The following DCHS1 variants were observed in gnomAD, a reference collection of about 807,000 sequenced individuals.
DCHS1 encodes dachsous cadherin-related 1.
DCHS1 carries 78 observed loss-of-function variants against 213.9 expected under a neutral mutation model. That is an observed-to-expected ratio of 0.36 (90% CI 0.30 to 0.44). The LOEUF is 0.44. Ranked by LOEUF, DCHS1 falls within the 20% of genes least tolerant of loss-of-function variation. DCHS1 has a pLI of 1.00. For missense variants in DCHS1, 3,946 were observed against 4,395.9 expected (o/e 0.90, Z 2.89); for synonymous variants, 1,828 against 1,873.7 (o/e 0.98, Z 0.63).
chr11:6,647,092 G>A (rs1389412770), intron 1 of DCHS1, among the ~76,000 whole-genome samples: 8 of 152,178 alleles, frequency 5.3e-5, no homozygotes, highest in East Asian at 3.8e-4. Flanking sequence ...GAGGAGGGGC[G>A]CCACAAAAGG....
At position 6,631,674 on chromosome 11, in the gene DCHS1, T is replaced by C; in HGVS notation, c.3617A>G (p.Asp1206Gly). ...TVHVAVLDLNDNSPTFLQASG... is the reference protein window; with the variant it reads ...TVHVAVLDLNGNSPTFLQASG... ...AGCCTGCAGGAACGTGGGGCTGTTG[T>C]CGTTGAGGTCAAGCACTGCAACATG... Residue 1206 changes from aspartate (D) to glycine (G), a missense_variant, in exon 7 of 21, where the codon GAC becomes GGC. Physicochemically the swap from Asp to Gly is moderately conservative, Grantham distance 94. Around this residue, in one of 3 missense-constraint regions of DCHS1, gnomAD observed 3,384 missense variants for 3,780.1 expected, o/e 0.90. Transcript: ENST00000299441. 5 of 1,608,318 alleles carry C rather than the reference T, an allele frequency of 3.1e-6. No homozygotes were observed. The highest frequency in any genetic ancestry group is 4.2e-6 in the Non-Finnish European group (5 of 1,177,144).
At position 6,630,325 on chromosome 11, in the gene DCHS1, G is replaced by A. The variant is rs746596862; in HGVS notation, c.4469C>T (p.Ala1490Val). 4 of 1,329,888 alleles carry A rather than the reference G, an allele frequency of 3.0e-6. No homozygotes were observed. Among genetic ancestry groups the A allele is most frequent in the Middle Eastern group, 2.2e-4 (1 of 4,548 alleles). The allele number at this position is 1,329,888 out of a possible 1,614,324, so 82.4% of individuals were successfully genotyped here. ...CGGAGCGCTGAGCGCCCCGGTGCGC[G>A]CGTCCAGGCGAAGCGCCGGCACGGG... ...EPPVPALRLD[A>V]RTGALSAPRG... Residue 1490 changes from alanine to valine, a missense_variant, in exon 10 of 21, where the codon GCG (alanine) becomes GTG (valine). By Grantham distance (64) the Ala-to-Val change is moderately conservative (BLOSUM62 0). Around this residue, in one of 3 missense-constraint regions of DCHS1, gnomAD observed 3,384 missense variants for 3,780.1 expected, o/e 0.90. Transcript: ENST00000299441.
intron 1 of DCHS1, among the ~76,000 whole-genome samples, chr11:6,642,666 T>C (rs115742454): frequency 0.021 from 3,223 of 151,682 alleles, 117 homozygotes; most frequent in African/African-American, 0.074. Context: ...TGAAGCATAG[T>C]GCTAGGGGCA....
Position 6,641,227 on chromosome 11 carries a change from A to G in DCHS1, c.387T>C (p.Val129=). The change falls in exon 2 of 21, where the codon GTT becomes GTC. Residue 129 remains valine, a synonymous_variant. Transcript: ENST00000299441. This position sits in a 1 kb window ranked among gnomAD's most constrained non-coding sequence, Gnocchi z 7.1. ...CGTTGATGTCAGCCACTCGCACTGT[A>G]ACTTCTACGGTGGCACCATCAGGAG... ...AVTPDGATVE[V]TVRVADINDH... The G allele has an allele frequency of 6.2e-7, 1 of 1,613,720 alleles. No homozygotes were observed. Among genetic ancestry groups the G allele is most frequent in the South Asian group, 1.1e-5 (1 of 91,084 alleles).
At position 6,622,335 on chromosome 11, in the gene DCHS1, G is replaced by A. The variant is rs776120615; in HGVS notation, c.9341C>T (p.Ala3114Val). The change falls in exon 21 of 21, where the codon GCC becomes GTC. Residue 3114 changes from alanine to valine, a missense_variant. By Grantham distance (64) the Ala-to-Val change is moderately conservative (BLOSUM62 0). Coordinates refer to ENST00000299441, the MANE Select transcript of DCHS1 (RefSeq NM_003737.4). The surrounding 1 kb of genome is among the most constrained non-coding windows in gnomAD (Gnocchi z 5.4). ...GCCCCCCAGGAAGGCTGTGGCAGTG[G>A]CTGGGGGCCCCTCCTCTCTGTAGAG... The part of the protein sequence containing the change: ...ATLYREEGPP[A>V]TATAFLGGCG... The A allele has an allele frequency of 4.4e-6, 7 of 1,601,490 alleles. No individual in the cohort carries two copies. The highest frequency in any genetic ancestry group is 1.7e-5 in the Admixed American group (1 of 58,530).
At chr11:6,634,605 TCACAGCCAACAG>T (rs1855961895) in intron 2 of DCHS1, among the ~76,000 whole-genome samples, 2 of 152,236 alleles carry the variant, frequency 1.3e-5, no homozygotes, top group South Asian at 4.1e-4. Flanking sequence ...AACATTGAAC[TCACAGCCAACAG>T]CACTGTAACT....
Position 6,627,488 on chromosome 11 carries a change from G to A in DCHS1, c.5551C>T (p.His1851Tyr), listed in dbSNP as rs1469050667. ...LTVTVLDAND[H>Y]APAFPVPAYS... ...GCAGGCACAGGAAAGGCTGGAGCAT[G>A]GTCATTGGCATCCAGCACTGTCACT... The change falls in exon 14 of 21, where the codon CAT becomes TAT. Residue 1851 changes from histidine to tyrosine, a missense_variant. Physicochemically the swap from His to Tyr is moderately conservative, Grantham distance 83. This residue lies in a region of DCHS1 where 3,384 missense variants were observed against 3,780.1 expected (regional missense o/e 0.90). Transcript: ENST00000299441. This position sits in a 1 kb window ranked among gnomAD's most constrained non-coding sequence, Gnocchi z 5.4. The A allele has an allele frequency of 1.2e-6, 2 of 1,611,640 alleles. No individual in the cohort carries two copies. Among genetic ancestry groups the A allele is most frequent in the Admixed American group, 3.3e-5 (2 of 59,734 alleles).
chr11:6,628,518 GA>G lies in DCHS1; in HGVS notation c.5371+102del. ...AGAAAAGGTGGACGACATCAAGAGGGAAAAGGAGACCCAGACACATGCACTG... is the reference window on the plus strand; with the variant it reads ...AGAAAAGGTGGACGACATCAAGAGGGAAAGGAGACCCAGACACATGCACTG... On this transcript the variant is annotated intron_variant, in intron 13 of 20. Transcript: ENST00000299441. This position sits in a 1 kb window ranked among gnomAD's most constrained non-coding sequence, Gnocchi z 4.3. 2.2e-6 allele frequency: 3 copies of G among 1,336,998 alleles called. No individual in the cohort carries two copies. The highest frequency in any genetic ancestry group is 1.8e-5 in the Admixed American group (1 of 55,096). The allele number at this position is 1,336,998 out of a possible 1,614,324, so 82.8% of individuals were successfully genotyped here. A position where few individuals can be genotyped will look rare whatever the true frequency, so the allele number is the denominator to read the frequency against.
intron 1 of DCHS1, among the ~76,000 whole-genome samples, chr11:6,650,690 T>C (rs182166752): frequency 1.4e-3 from 206 of 152,258 alleles, no homozygotes; most frequent in Non-Finnish European, 2.3e-3. Context: ...CTAGGACACC[T>C]CTGGGGAAAG....
At position 6,622,948 on chromosome 11, in the gene DCHS1, C is replaced by T. The variant is rs1855725069; in HGVS notation, c.8728G>A (p.Gly2910Ser). The part of the protein sequence containing the change: ...LEVIARGPLP[G>S]SRSATVPVTV... ...ACAGGCACTGTGGCACTCCGGGAAC[C>T]AGGCAGAGGCCCCCGTGCTATCACC... Residue 2910 changes from glycine to serine, a missense_variant, in exon 21 of 21, where the codon GGT (glycine) becomes AGT (serine). Transcript: ENST00000299441. This position sits in a 1 kb window ranked among gnomAD's most constrained non-coding sequence, Gnocchi z 5.4. 6.3e-7 allele frequency: 1 copy of T among 1,582,264 alleles called. No homozygotes were observed. Among genetic ancestry groups the T allele is most frequent in the South Asian group, 1.2e-5 (1 of 86,762 alleles).
intron 1 of DCHS1, among the ~76,000 whole-genome samples, chr11:6,646,184 G>A (rs1305449229): frequency 2.6e-5 from 4 of 151,822 alleles, no homozygotes; most frequent in Non-Finnish European, 4.4e-5. Context: ...TGTCACGTAT[G>A]CACAGACTGA....
chr11:6,626,830 C>A lies in DCHS1; in HGVS notation c.6209G>T (p.Arg2070Leu), dbSNP rs773052564. 1 of 1,612,982 alleles carries A rather than the reference C, an allele frequency of 6.2e-7. No individual in the cohort carries two copies. Among genetic ancestry groups the A allele is most frequent in the Non-Finnish European group, 8.5e-7 (1 of 1,179,864 alleles). The change falls in exon 14 of 21, where the codon CGG becomes CTG. Residue 2070 changes from arginine to leucine, a missense_variant. Physicochemically the swap from Arg to Leu is moderately radical, Grantham distance 102. Around this residue, in one of 3 missense-constraint regions of DCHS1, gnomAD observed 3,384 missense variants for 3,780.1 expected, o/e 0.90. Coordinates refer to ENST00000299441, the MANE Select transcript of DCHS1 (RefSeq NM_003737.4). The surrounding 1 kb of genome is among the most constrained non-coding windows in gnomAD (Gnocchi z 5.2). ...GEAERGPRFPRASSEATIREN... is the reference protein window; with the variant it reads ...GEAERGPRFPLASSEATIREN... ...ACGAATCGTAGCCTCACTGCTAGCC[C>A]GGGGAAAGCGGGGTCCACGCTCAGC...
chr11:6,629,339 CTTTGTGG>C, intron 12 of DCHS1, 106 bp downstream of exon 12: 1 of 1,431,936 alleles, frequency 7.0e-7, no homozygotes, highest in Non-Finnish European at 9.3e-7. Context: ...ATAACAGGAG[CTTTGTGG>C]TAATAGGCAA....
chr11:6,638,294 C>T (rs1379621979), intron 2 of DCHS1, among the ~76,000 whole-genome samples: 1 of 152,226 alleles, frequency 6.6e-6, no homozygotes, highest in Non-Finnish European at 1.5e-5. Flanking sequence ...CCACTGTCCT[C>T]TCTCCTGCTG....
Position 6,625,872 on chromosome 11 carries a change from C to A in DCHS1, c.6731+48G>T, listed in dbSNP as rs775606780. On this transcript the variant is annotated intron_variant, in intron 17 of 20. Coordinates refer to ENST00000299441, the MANE Select transcript of DCHS1 (RefSeq NM_003737.4). This position sits in a 1 kb window ranked among gnomAD's most constrained non-coding sequence, Gnocchi z 5.3. ...GATGAGTTCAAGGCAGGGCTTGAAA[C>A]TGGACAGGCCCAAGATGGGGTCTTG... The A allele has an allele frequency of 2.1e-5, 34 of 1,602,126 alleles. No homozygotes were observed. The highest frequency in any genetic ancestry group is 2.7e-5 in the African/African-American group (2 of 74,642).
intron 1 of DCHS1, among the ~76,000 whole-genome samples, chr11:6,644,463 A>C (rs10160659): frequency 0.053 from 8,037 of 152,226 alleles, 546 homozygotes; most frequent in African/African-American, 0.16. Flanking sequence ...ACCTCTAAAA[A>C]TCCTCTCCAC....
rs942214212 is a variant in DCHS1, at chr11:6,621,975, G to A, written c.9701C>T (p.Ser3234Phe). The change falls in exon 21 of 21, where the codon TCT becomes TTT. Residue 3234 changes from serine (S) to phenylalanine (F), a missense_variant. Physicochemically the swap from Ser to Phe is radical, Grantham distance 155. Transcript: ENST00000299441. ...TTCATGGCTGATGGGGGAGCGGTGAGAAGCTGGTGGGAAGATGGCCCGGGC... is the reference window on the plus strand; with the variant it reads ...TTCATGGCTGATGGGGGAGCGGTGAAAAGCTGGTGGGAAGATGGCCCGGGC... Reference protein sequence around the residue: ...AAARAIFPPASHRSPISHEGS... With the variant: ...AAARAIFPPAFHRSPISHEGS... The A allele has an allele frequency of 3.7e-6, 6 of 1,613,350 alleles. No homozygotes were observed. In the Middle Eastern group the frequency reaches 6.6e-4, roughly 177 times the overall value.
chr11:6,645,522 G>C (rs1390512312), intron 1 of DCHS1, among the ~76,000 whole-genome samples: 2 of 152,186 alleles, frequency 1.3e-5, no homozygotes, highest in Non-Finnish European at 2.9e-5. Flanking sequence ...CTGTTTGTGA[G>C]CCCAGACTGT....
Position 6,641,922 on chromosome 11 carries a change from G to A in DCHS1, c.-120-189C>T, listed in dbSNP as rs1589961411. Among the ~76,000 whole-genome samples, 1 of 152,116 alleles carries A rather than the reference G, an allele frequency of 6.6e-6. No individual in the cohort carries two copies. Among genetic ancestry groups the A allele is most frequent in the Admixed American group, 6.5e-5 (1 of 15,268 alleles). ...CGAGGCCACTCCAGCCTTCCCCTTG[G>A]CAGATCTCATCCTTTCCTACCCTCA... On this transcript the variant is annotated intron_variant, in intron 1 of 20. Coordinates refer to ENST00000299441, the MANE Select transcript of DCHS1 (RefSeq NM_003737.4). The surrounding 1 kb of genome is among the most constrained non-coding windows in gnomAD (Gnocchi z 7.1).
Sources: gnomAD v4.1 joint callset for allele counts (sites outside exome capture counted in the v4.1 genomes callset) on GRCh38, gnomAD v4.1.1 for gene constraint, gnomAD v4.1.1 regional missense constraint, Gnocchi (gnomAD v3.1) non-coding constraint, MANE v1.5 for transcripts, NCBI Gene and HGNC (gene_info 2026-07-23, HGNC 2026-07-21) for gene names.